The following ASPRV1 variants were observed in gnomAD, a reference collection of about 807,000 sequenced individuals.
ASPRV1 encodes aspartic peptidase retroviral like 1.
In ASPRV1, 7 loss-of-function variants were observed where a neutral mutation model predicts 11.0. That is an observed-to-expected ratio of 0.64 (90% CI 0.36 to 1.20). The LOEUF is 1.20. ASPRV1 is among the 50% of genes most tolerant of loss of function. The pLI, the probability that ASPRV1 is intolerant of heterozygous loss-of-function variation, is 0.02. For synonymous variants in ASPRV1, 136 were observed against 138.4 expected, an observed-to-expected ratio of 0.98 and a Z score of 0.12; for missense variants, 299 against 320.0, an observed-to-expected ratio of 0.93 and a Z score of 0.50.
chr2:69,951,160 T>A, the ASPRV1 span, among the ~76,000 whole-genome samples: 2 of 151,974 alleles, frequency 1.3e-5, no homozygotes, highest in African/African-American at 4.8e-5. Flanking sequence ...GCGCAGTGGC[T>A]CATGCCTGTA....
the ASPRV1 span, among the ~76,000 whole-genome samples, chr2:69,935,720 C>T: frequency 1.3e-5 from 2 of 152,190 alleles, no homozygotes; most frequent in African/African-American, 4.8e-5. Flanking sequence ...ATAGCTCCTG[C>T]TCCTTAACCA....
At chr2:69,980,697 G>A in the ASPRV1 span, among the ~76,000 whole-genome samples, 1 of 152,296 alleles carries the variant, frequency 6.6e-6, no homozygotes, top group African/African-American at 2.4e-5. Context: ...AACGTTAGAG[G>A]AAGCTGGATA....
the ASPRV1 span, among the ~76,000 whole-genome samples, chr2:69,937,862 C>T: frequency 6.6e-6 from 1 of 152,242 alleles, no homozygotes; most frequent in South Asian, 2.1e-4. Context: ...AATTCACCCA[C>T]CTTGGCCTCC....
the ASPRV1 span, among the ~76,000 whole-genome samples, chr2:70,006,192 C>T: frequency 6.6e-6 from 1 of 152,208 alleles, no homozygotes; most frequent in African/African-American, 2.4e-5. Context: ...GTGTCCTGTG[C>T]TGGGGCTGGG....
chr2:69,960,852 G>A lies in ASPRV1; in HGVS notation c.585C>T (p.Ala195=), dbSNP rs779269238. ...KAQFLVANAS[A]EEAIIGTDVL... Reference sequence around the variant, plus strand: ...CATCAGTGCCAATGATGGCTTCCTCGGCACTCGCATTGGCCACTAGGAACT... The same window carrying A: ...CATCAGTGCCAATGATGGCTTCCTCAGCACTCGCATTGGCCACTAGGAACT... Residue 195 remains alanine, a synonymous_variant, in exon 1 of 1, where the codon GCC becomes GCT. Transcript: ENST00000320256. 14 of 1,613,944 alleles carry A rather than the reference G, an allele frequency of 8.7e-6. No homozygotes were observed. Among genetic ancestry groups the A allele is most frequent in the Middle Eastern group, 1.6e-4 (1 of 6,084 alleles).
chr2:70,022,188 T>A, the ASPRV1 span, among the ~76,000 whole-genome samples: 2 of 151,772 alleles, frequency 1.3e-5, no homozygotes, highest in Non-Finnish European at 2.9e-5. Context: ...CTAATTTTTT[T>A]GTATTTTTAG....
At chr2:70,056,466 G>A in the ASPRV1 span, 1 of 151,526 alleles carries the variant, frequency 6.6e-6, no homozygotes, top group Non-Finnish European at 1.5e-5. Flanking sequence ...TTAGCCGGGC[G>A]TGGTAGCGGG....
At chr2:70,074,668 C>A in the ASPRV1 span, among the ~76,000 whole-genome samples, 1 of 151,970 alleles carries the variant, frequency 6.6e-6, no homozygotes, top group Admixed American at 6.6e-5. Flanking sequence ...GTCAAGATCA[C>A]AGTCCTCTTT....
the ASPRV1 span, among the ~76,000 whole-genome samples, chr2:70,039,576 A>G: frequency 6.6e-6 from 1 of 152,202 alleles, no homozygotes; most frequent in African/African-American, 2.4e-5. Flanking sequence ...ATTTACACAA[A>G]CAGCCAGCAG....
At chr2:69,978,369 A>T in the ASPRV1 span, among the ~76,000 whole-genome samples, 2 of 152,098 alleles carry the variant, frequency 1.3e-5, no homozygotes, top group Non-Finnish European at 2.9e-5. Context: ...CACAACCCGG[A>T]GGGCCAGGGA....
the ASPRV1 span, among the ~76,000 whole-genome samples, chr2:69,986,036 G>A: frequency 6.6e-6 from 1 of 152,198 alleles, no homozygotes. Context: ...TCACTGTCGG[G>A]ACAGGGGGAA....
At chr2:70,018,342 A>G in the ASPRV1 span, among the ~76,000 whole-genome samples, 1 of 152,042 alleles carries the variant, frequency 6.6e-6, no homozygotes, top group Non-Finnish European at 1.5e-5. Flanking sequence ...TAAAATGCTC[A>G]TACTACCCAA....
chr2:70,028,731 T>C, the ASPRV1 span: 1 of 152,204 alleles, frequency 6.6e-6, no homozygotes, highest in African/African-American at 2.4e-5. Context: ...GGCCCCCTCC[T>C]CCCTTGCGCA....
At chr2:69,953,997 C>A in the ASPRV1 span, among the ~76,000 whole-genome samples, 1 of 152,114 alleles carries the variant, frequency 6.6e-6, no homozygotes, top group South Asian at 2.1e-4. Flanking sequence ...GGATTACAGG[C>A]ATGAGCCATC....
the ASPRV1 span, among the ~76,000 whole-genome samples, chr2:70,018,414 GA>G: frequency 6.6e-6 from 1 of 151,264 alleles, no homozygotes; most frequent in African/African-American, 2.4e-5. Flanking sequence ...CACAAAAATT[GA>G]AAAAACAACT....
At chr2:69,937,043 T>C in the ASPRV1 span, 1 of 755,810 alleles carries the variant, frequency 1.3e-6, no homozygotes, top group Non-Finnish European at 2.4e-6. Flanking sequence ...GCACTGGCGA[T>C]GCTGAAGAGT....
At chr2:70,073,528 G>A in the ASPRV1 span, among the ~76,000 whole-genome samples, 4 of 151,958 alleles carry the variant, frequency 2.6e-5, no homozygotes, top group Admixed American at 6.6e-5. Context: ...AATCTTTAAC[G>A]ATACTTAACG....
At chr2:69,987,925 C>T in the ASPRV1 span, among the ~76,000 whole-genome samples, 1 of 152,184 alleles carries the variant, frequency 6.6e-6, no homozygotes, top group Non-Finnish European at 1.5e-5. Context: ...ATTCATCCAA[C>T]AAATACTTAT....
chr2:69,966,672 A>G, the ASPRV1 span, among the ~76,000 whole-genome samples: 1 of 152,370 alleles, frequency 6.6e-6, no homozygotes, highest in East Asian at 1.9e-4. Context: ...AACTTGGCTT[A>G]GAGCTGAACA....
Sources: allele counts gnomAD v4.1 joint callset (sites outside exome capture counted in the v4.1 genomes callset), GRCh38; gene constraint gnomAD v4.1.1; transcripts MANE v1.5; gene names NCBI Gene and HGNC (gene_info 2026-07-23, HGNC 2026-07-21).